The following ACAT1 variants were observed in gnomAD, a reference collection of about 807,000 sequenced individuals.
ACAT1 encodes acetyl-CoA acetyltransferase 1.
A neutral mutation model predicts 47.3 loss-of-function variants in ACAT1; 28 were observed. The ratio of observed to expected loss-of-function variants is 0.59; its 90% CI spans 0.44 to 0.81. The LOEUF is 0.81. ACAT1 is among the 30% of genes least tolerant of loss of function. ACAT1 has a pLI of 0.00. For synonymous variants in ACAT1, 181 were observed against 173.6 expected (o/e 1.04, Z -0.34); for missense variants, 469 against 524.3 (o/e 0.89, Z 1.03).
intron 1 of ACAT1, 128 bp from the exon 2 acceptor site, chr11:108,131,779 C>T: frequency 2.7e-6 from 1 of 372,462 alleles, no homozygotes. Context: ...ATATTCTGAC[C>T]ACAAAAAACT....
chr11:108,127,790 T>C (rs1194833240), intron 1 of ACAT1: 1 of 152,280 alleles, frequency 6.6e-6, no homozygotes, highest in Non-Finnish European at 1.5e-5. Flanking sequence ...CAGTGGATTA[T>C]ACATATTACC....
In ACAT1 at chr11:108,138,760, G is replaced by A. The variant is rs1041745001; in HGVS notation, c.436-138G>A. ...TCATCAGGGTGAAGTGGTAAAGAGG[G>A]TACTTCCTGTATTCACTGTGTAACA... On this transcript the variant is annotated intron_variant, in intron 5 of 11. Transcript: ENST00000265838. 4.2e-6 allele frequency: 4 copies of A among 958,658 alleles called. No individual in the cohort carries two copies. In the East Asian group the frequency reaches 9.7e-5, roughly 23 times the overall value. 59.4% of individuals were successfully genotyped at this position (958,658 alleles called of 1,614,324 possible). A position where few individuals can be genotyped will look rare whatever the true frequency, so the allele number is the denominator to read the frequency against.
intron 10 of ACAT1, among the ~76,000 whole-genome samples, chr11:108,145,057 C>T (rs117555396): frequency 0.014 from 2,108 of 152,160 alleles, 43 homozygotes; most frequent in African/African-American, 0.043. Flanking sequence ...ATTTTATTAT[C>T]GCTCACAACA....
intron 1 of ACAT1, 152 bp downstream of exon 1, chr11:108,121,830 C>A (rs1251993460): frequency 1.0e-5 from 8 of 774,136 alleles, no homozygotes; most frequent in South Asian, 8.5e-5. Context: ...GTCCAAAAAC[C>A]GCCTAAGTGC....
intron 11 of ACAT1, among the ~76,000 whole-genome samples, chr11:108,147,033 T>G (rs1224139217): frequency 6.6e-6 from 1 of 152,192 alleles, no homozygotes; most frequent in Non-Finnish European, 1.5e-5. Context: ...TGAGCTGAGA[T>G]TCTGCCATTG....
At chr11:108,143,403 A>G (rs544475625) in intron 9 of ACAT1, 31 of 152,334 alleles carry the variant, frequency 2.0e-4, no homozygotes, top group African/African-American at 7.2e-4. Context: ...TGGGATTAGG[A>G]GTCCAGAAAT....
At chr11:108,122,748 T>C (rs2077175239) in intron 1 of ACAT1, among the ~76,000 whole-genome samples, 1 of 152,158 alleles carries the variant, frequency 6.6e-6, no homozygotes, top group Non-Finnish European at 1.5e-5. Flanking sequence ...GGCGTAGGTT[T>C]CCAGGGAAGA....
intron 11 of ACAT1, 112 bp downstream of exon 11, chr11:108,146,471 T>C: frequency 7.9e-7 from 1 of 1,263,704 alleles, no homozygotes; most frequent in South Asian, 1.3e-5. Flanking sequence ...CCTACCCATC[T>C]TTCATAAGGC....
At chr11:108,135,019 G>A (rs2077442336) in intron 4 of ACAT1, 123 bp from the exon 5 acceptor site, 1 of 640,106 alleles carries the variant, frequency 1.6e-6, no homozygotes, top group Non-Finnish European at 2.8e-6. Context: ...AATATTAAAT[G>A]CATGATATAA....
chr11:108,138,740 A>G (rs2077521120), intron 5 of ACAT1, 158 bp from the exon 6 acceptor site: 1 of 837,568 alleles, frequency 1.2e-6, no homozygotes, highest in Non-Finnish European at 2.0e-6. Context: ...TCTTTTCATC[A>G]GGGTGAAGTG....
chr11:108,134,944 C>CAAAAAAAA (rs56229925), intron 4 of ACAT1, among the ~76,000 whole-genome samples, 198 bp from the exon 5 acceptor site: 1 of 81,368 alleles, frequency 1.2e-5, no homozygotes, highest in Non-Finnish European at 2.2e-5. Flanking sequence ...GACTCCGTCT[C>CAAAAAAAA]AAAAAAAAAA....
rs762367702 is a variant in ACAT1 at position 108,135,161 on chromosome 11, A to G, written c.354A>G (p.Pro118=). 6.2e-7 allele frequency: 1 copy of G among 1,613,676 alleles called. No individual in the cohort carries two copies. Among genetic ancestry groups the G allele is most frequent in the Non-Finnish European group, 8.5e-7 (1 of 1,179,690 alleles). Residue 118 remains proline (P), a synonymous_variant, in exon 5 of 12, where the codon CCA becomes CCG. Coordinates refer to ENST00000265838, the MANE Select transcript of ACAT1 (RefSeq NM_000019.4). Reference sequence around the variant, plus strand: ...TTTTAGGCTTACCTATTTCTACTCCATGTACCACCATAAACAAAGTTTGTG... The same window carrying G: ...TTTTAGGCTTACCTATTTCTACTCCGTGTACCACCATAAACAAAGTTTGTG... ...VLGAGLPIST[P]CTTINKVCAS...
intron 11 of ACAT1, among the ~76,000 whole-genome samples, chr11:108,146,897 TG>T (rs1456218469): frequency 6.6e-6 from 1 of 152,204 alleles, no homozygotes; most frequent in Non-Finnish European, 1.5e-5. Flanking sequence ...CTGGCCAACA[TG>T]GCGAAACCCT....
upstream of ACAT1, among the ~76,000 whole-genome samples, chr11:108,120,417 G>A (rs2077127203): frequency 6.6e-6 from 1 of 151,906 alleles, no homozygotes; most frequent in African/African-American, 2.4e-5. Flanking sequence ...AGAGACAGGA[G>A]GATCCCCTAG....
At chr11:108,127,293 C>G (rs573033680) in intron 1 of ACAT1, among the ~76,000 whole-genome samples, 1 of 146,184 alleles carries the variant, frequency 6.8e-6, no homozygotes, top group South Asian at 2.2e-4. Flanking sequence ...GAGACAGAGT[C>G]TCACTCTGTC....
chr11:108,142,580 T>A, intron 9 of ACAT1, 30 bp downstream of exon 9: 1 of 1,553,904 alleles, frequency 6.4e-7, no homozygotes, highest in Non-Finnish European at 8.9e-7. Context: ...CTCACACCTG[T>A]AATCCCAGCA....
upstream of ACAT1, among the ~76,000 whole-genome samples, chr11:108,117,755 A>G (rs1183636002): frequency 1.3e-5 from 2 of 152,058 alleles, no homozygotes; most frequent in Non-Finnish European, 2.9e-5. Flanking sequence ...TCTTTGTATT[A>G]TAAATATAAT....
In ACAT1 at chr11:108,146,374, TAAC is replaced by T; in HGVS notation, c.1163+16_1163+18del. Reference sequence around the variant, plus strand: ...CATCCAATTGGGTAGGTAAAAATAATAACTATATCTAGGTTAAGAGCTGCCTTT... The same window carrying T: ...CATCCAATTGGGTAGGTAAAAATAATTATATCTAGGTTAAGAGCTGCCTTT... On this transcript the variant is annotated intron_variant, in intron 11 of 11. Transcript: ENST00000265838. 1 of 1,612,760 alleles carries T rather than the reference TAAC, an allele frequency of 6.2e-7. No individual in the cohort carries two copies. The highest frequency in any genetic ancestry group is 8.5e-7 in the Non-Finnish European group (1 of 1,178,984).
In ACAT1 at chr11:108,131,743, A is replaced by AT. The variant is rs531002894; in HGVS notation, c.73-157dup. Among the ~76,000 whole-genome samples, 163 of 152,168 alleles carry AT rather than the reference A, an allele frequency of 1.1e-3. 1 individual carries two copies. Among genetic ancestry groups the AT allele is most frequent in the Middle Eastern group, 3.4e-3 (1 of 294 alleles). Reference sequence around the variant, plus strand: ...TAGAAAAGTTTATTATAAAGCAGTCATTTTTTTCTAATTGTTAAAAGTGAT... The same window carrying AT: ...TAGAAAAGTTTATTATAAAGCAGTCATTTTTTTTCTAATTGTTAAAAGTGAT... On this transcript the variant is annotated intron_variant, in intron 1 of 11. Coordinates refer to ENST00000265838, the MANE Select transcript of ACAT1 (RefSeq NM_000019.4).
Sources: gnomAD v4.1 joint callset for allele counts (sites outside exome capture counted in the v4.1 genomes callset) on GRCh38, gnomAD v4.1.1 for gene constraint, MANE v1.5 for transcripts, NCBI Gene and HGNC (gene_info 2026-07-23, HGNC 2026-07-21) for gene names.